UBR1: variants seen among roughly 807,000 people sequenced by gnomAD.
The protein encoded by UBR1 is ubiquitin protein ligase E3 component n-recognin 1, also known as E3 ubiquitin-protein ligase UBR1.
A neutral mutation model predicts 242.1 loss-of-function variants in UBR1; 102 were observed. That is an observed-to-expected ratio of 0.42 (90% CI 0.36 to 0.50). UBR1 has a LOEUF of 0.50. Ranked by LOEUF, UBR1 falls within the 20% of genes least tolerant of loss-of-function variation. UBR1 has a pLI of 0.01. For synonymous variants in UBR1, 675 were observed against 684.8 expected, an observed-to-expected ratio of 0.99 and a Z score of 0.22; for missense variants, 1,772 against 2,101.8, an observed-to-expected ratio of 0.84 and a Z score of 3.07.
At chr15:43,011,397 A>C (rs565651392) in intron 29 of UBR1, among the ~76,000 whole-genome samples, 4 of 152,324 alleles carry the variant, frequency 2.6e-5, no homozygotes, top group Admixed American at 2.0e-4. Context: ...TAACAAAGCT[A>C]AGTATTAATA....
chr15:43,034,581 T>C (rs947369208), intron 19 of UBR1, among the ~76,000 whole-genome samples: 93 of 152,128 alleles, frequency 6.1e-4, no homozygotes, highest in African/African-American at 2.2e-3. Flanking sequence ...AATTTGACAA[T>C]ATGTATTAAG....
At chr15:43,017,023 T>C (rs2033034715) in intron 28 of UBR1, 72 bp downstream of exon 28, 2 of 1,217,638 alleles carry the variant, frequency 1.6e-6, no homozygotes, top group Non-Finnish European at 2.4e-6. Flanking sequence ...AAGCAGTAGC[T>C]CCCTTATACC....
In UBR1 at chr15:43,013,887, C is replaced by T. The variant is rs373741886; in HGVS notation, c.3209+1801G>A. Among the ~76,000 whole-genome samples, 1,459 of 151,974 alleles carry T rather than the reference C, an allele frequency of 9.6e-3. 11 individuals are homozygous for T. The highest frequency in any genetic ancestry group is 0.031 in the Middle Eastern group (9 of 294). ...CTCCCCTTCCCCCTCCCCCTCCCCACGGTCTCCCTCTCCCTCTCTTTCCAT... is the reference window on the plus strand; with the variant it reads ...CTCCCCTTCCCCCTCCCCCTCCCCATGGTCTCCCTCTCCCTCTCTTTCCAT... On this transcript the variant is annotated intron_variant, in intron 29 of 46. Transcript: ENST00000290650.
intron 41 of UBR1, among the ~76,000 whole-genome samples, chr15:42,965,770 A>G (rs1037755224): frequency 4.6e-5 from 7 of 152,146 alleles, no homozygotes; most frequent in Non-Finnish European, 8.8e-5. Flanking sequence ...CCCGGCCTAC[A>G]TGTCCAAAAT....
chr15:43,017,193 A>G lies in UBR1; in HGVS notation c.2941-12T>C. 1 of 1,599,944 alleles carries G rather than the reference A, an allele frequency of 6.3e-7. No individual in the cohort carries two copies. Among genetic ancestry groups the G allele is most frequent in the Non-Finnish European group, 8.6e-7 (1 of 1,169,346 alleles). On this transcript the variant is annotated splice_polypyrimidine_tract_variant and intron_variant, in intron 27 of 46. Transcript: ENST00000290650. ...ACTGTGTCAAACATCTGTGAAAAAC[A>G]GATGAAACGTTAAAAGAGTTAGTTA...
intron 2 of UBR1, among the ~76,000 whole-genome samples, chr15:43,084,016 G>C (rs1466820192): frequency 4.6e-5 from 7 of 152,162 alleles, no homozygotes; most frequent in Non-Finnish European, 8.8e-5. Flanking sequence ...CTGTACTCTA[G>C]CCTAGGCAAT....
intron 33 of UBR1, 126 bp downstream of exon 33, chr15:42,998,042 A>C (rs562223176): frequency 5.6e-5 from 48 of 854,714 alleles, no homozygotes; most frequent in Admixed American, 2.0e-4. Context: ...AGCTTCAAAA[A>C]CTTCTATTTC....
chr15:43,083,932 T>C (rs1267781628), intron 2 of UBR1, among the ~76,000 whole-genome samples: 3 of 151,932 alleles, frequency 2.0e-5, no homozygotes, highest in African/African-American at 7.2e-5. Flanking sequence ...CAAGCCCAGC[T>C]ACTCAGGAGG....
chr15:42,950,166 A>C, intron 46 of UBR1, 96 bp downstream of exon 46: 4 of 1,157,182 alleles, frequency 3.5e-6, no homozygotes, highest in South Asian at 1.2e-5. Context: ...TTAAAGAACT[A>C]TTACCGTTTA....
At chr15:42,984,822 A>G in intron 36 of UBR1, 65 bp downstream of exon 36, 1 of 1,412,636 alleles carries the variant, frequency 7.1e-7, no homozygotes, top group South Asian at 1.2e-5. Context: ...TGTTTTTAAT[A>G]ATAAACTGTG....
At chr15:43,010,931 A>G (rs201483496) in intron 29 of UBR1, among the ~76,000 whole-genome samples, 1 of 151,934 alleles carries the variant, frequency 6.6e-6, no homozygotes, top group Non-Finnish European at 1.5e-5. Flanking sequence ...CGGAGGTTGC[A>G]GTGAGCCGAG....
chr15:43,034,413 C>A (rs1009666587), intron 19 of UBR1, among the ~76,000 whole-genome samples: 7 of 151,718 alleles, frequency 4.6e-5, no homozygotes, highest in South Asian at 2.1e-4. Context: ...GCACTCCAGC[C>A]TGGGCGACAG....
intron 6 of UBR1, among the ~76,000 whole-genome samples, chr15:43,060,669 G>A (rs2033672649): frequency 6.6e-6 from 1 of 152,098 alleles, no homozygotes. Context: ...AGGAAGCACT[G>A]TCTTCCTCAT....
rs554093386 is a variant in UBR1, at chr15:43,081,437, A to G, written c.417+1201T>C. ...CATCTCAAAAAAAAAAAAAAAAAAA[A>G]AAAAGAAAAGTTCCTGTTGTTCCAC... On this transcript the variant is annotated intron_variant, in intron 3 of 46. Transcript: ENST00000290650. Among the ~76,000 whole-genome samples, 1,250 of 151,236 alleles carry G rather than the reference A, an allele frequency of 8.3e-3. 22 individuals are homozygous for G. The highest frequency in any genetic ancestry group is 0.028 in the African/African-American group (1,163 of 41,104).
At chr15:43,103,102 A>C (rs2034257990) in intron 1 of UBR1, among the ~76,000 whole-genome samples, 1 of 152,248 alleles carries the variant, frequency 6.6e-6, no homozygotes, top group Admixed American at 6.5e-5. Flanking sequence ...TGGGAGGTGG[A>C]AGTTATAGTG....
At chr15:43,085,222 C>T (rs1293792624) in intron 2 of UBR1, among the ~76,000 whole-genome samples, 1 of 152,222 alleles carries the variant, frequency 6.6e-6, no homozygotes, top group African/African-American at 2.4e-5. Context: ...CGACTACAGG[C>T]ATGATTTATA....
chr15:42,990,197 A>G, intron 33 of UBR1, 77 bp from the exon 34 acceptor site: 4 of 1,106,900 alleles, frequency 3.6e-6, no homozygotes, highest in Non-Finnish European at 4.0e-6. Flanking sequence ...GCATTTATTT[A>G]TTTATTTTTG....
At chr15:42,957,159 T>A (rs2031933953) in intron 44 of UBR1, among the ~76,000 whole-genome samples, 1 of 152,216 alleles carries the variant, frequency 6.6e-6, no homozygotes, top group Admixed American at 6.5e-5. Flanking sequence ...AAACAAACTC[T>A]TATATATACA....
chr15:42,988,034 T>A (rs761725731), intron 35 of UBR1, among the ~76,000 whole-genome samples: 1 of 152,174 alleles, frequency 6.6e-6, no homozygotes, highest in Non-Finnish European at 1.5e-5. Context: ...GAGAATTTGA[T>A]AGTAGGCTTC....
Sources: gnomAD v4.1 joint callset for allele counts (sites outside exome capture counted in the v4.1 genomes callset) on GRCh38, gnomAD v4.1.1 for gene constraint, MANE v1.5 for transcripts, NCBI Gene and HGNC (gene_info 2026-07-23, HGNC 2026-07-21) for gene names.